KCNQ1: variants seen among roughly 807,000 people sequenced by gnomAD.
KCNQ1 encodes potassium voltage-gated channel subfamily KQT member 1.
Under a neutral mutation model 72.4 loss-of-function variants are expected in KCNQ1, and 49 were observed. The ratio of observed to expected loss-of-function variants is 0.68; its 90% CI spans 0.54 to 0.86. The LOEUF is 0.86. Among genes scored for constraint, KCNQ1 ranks in the 40% least tolerant of loss-of-function variants. The pLI is 0.00. For missense variants in KCNQ1, 790 were observed against 945.1 expected, an observed-to-expected ratio of 0.84 and a Z score of 2.15; for synonymous variants, 450 against 412.6, an observed-to-expected ratio of 1.09 and a Z score of -1.10.
In KCNQ1 at chr11:2,640,010, C is replaced by T. The variant is rs187540971; in HGVS notation, c.1394-21951C>T. 3.6e-3 allele frequency: 571 copies of T among 158,148 alleles called. 7 individuals carry two copies. Among genetic ancestry groups the T allele is most frequent in the African/African-American group, 0.013 (543 of 41,846 alleles). The allele number at this position is 158,148 out of a possible 1,614,324, so 9.8% of individuals were successfully genotyped here. Reference sequence around the variant, plus strand: ...TGGGCGTGGGACCCTCCGAGCCAGGCGCGGGATATAATCTCCTGGTGTGCC... The same window carrying T: ...TGGGCGTGGGACCCTCCGAGCCAGGTGCGGGATATAATCTCCTGGTGTGCC... On this transcript the variant is annotated intron_variant, in intron 10 of 15. Coordinates refer to ENST00000155840, the MANE Select transcript of KCNQ1 (RefSeq NM_000218.3).
rs536454891 is a variant in KCNQ1 at position 2,543,093 on chromosome 11, G to A, written c.477+15075G>A. ...CCAGTGATGTTGAATATCTTTTCACGTGTTTCATTGGCATCCAGGAAACAT... is the reference window on the plus strand; with the variant it reads ...CCAGTGATGTTGAATATCTTTTCACATGTTTCATTGGCATCCAGGAAACAT... On this transcript the variant is annotated intron_variant, in intron 2 of 15. Transcript: ENST00000155840. The surrounding 1 kb of genome is among the most constrained non-coding windows in gnomAD (Gnocchi z 5.6). 2.6e-5 allele frequency among the ~76,000 whole-genome samples: 4 copies of A among 152,032 alleles called. No individual in the cohort carries two copies. Among genetic ancestry groups the A allele is most frequent in the East Asian group, 1.9e-4 (1 of 5,202 alleles).
chr11:2,454,682 C>G (rs1846161190), intron 1 of KCNQ1, among the ~76,000 whole-genome samples: 1 of 152,130 alleles, frequency 6.6e-6, no homozygotes. Flanking sequence ...GTATGATCAT[C>G]TCAATAGATG....
intron 11 of KCNQ1, among the ~76,000 whole-genome samples, chr11:2,702,884 G>T (rs183082578): frequency 6.6e-6 from 1 of 152,134 alleles, no homozygotes; most frequent in Admixed American, 6.5e-5. Flanking sequence ...TCACCCCCTC[G>T]CCACACACGG....
Position 2,462,325 on chromosome 11 carries a change from C to T in KCNQ1, c.386+16841C>T, listed in dbSNP as rs944461351. On this transcript the variant is annotated intron_variant, in intron 1 of 15. Transcript: ENST00000155840. This position sits in a 1 kb window ranked among gnomAD's most constrained non-coding sequence, Gnocchi z 8.2. ...CGCCATCAGAGGCGATGTCTAGGGC[C>T]ACCCCCTCTGACTTGCCTCCTCCTC... Among the ~76,000 whole-genome samples the T allele has an allele frequency of 1.4e-4, 22 of 152,192 alleles. No individual in the cohort carries two copies. The highest frequency in any genetic ancestry group is 2.4e-4 in the Non-Finnish European group (16 of 68,024).
At chr11:2,525,026 T>C (rs564978965) in intron 1 of KCNQ1, among the ~76,000 whole-genome samples, 1 of 152,132 alleles carries the variant, frequency 6.6e-6, no homozygotes, top group Non-Finnish European at 1.5e-5. Flanking sequence ...GAGGATTAAG[T>C]GTGGCAGTCA....
intron 11 of KCNQ1, among the ~76,000 whole-genome samples, chr11:2,726,775 C>G (rs989236150): frequency 6.6e-6 from 1 of 152,216 alleles, no homozygotes; most frequent in Non-Finnish European, 1.5e-5. Context: ...ATGTGCTTCT[C>G]CTGTGACTGT....
Position 2,781,803 on chromosome 11 carries a change from G to C in KCNQ1, c.1794+3766G>C, listed in dbSNP as rs1846827217. Among the ~76,000 whole-genome samples the C allele has an allele frequency of 6.6e-6, 1 of 152,214 alleles. No individual in the cohort carries two copies. The highest frequency in any genetic ancestry group is 1.5e-5 in the Non-Finnish European group (1 of 68,044). On this transcript the variant is annotated intron_variant, in intron 15 of 15. Coordinates refer to ENST00000155840, the MANE Select transcript of KCNQ1 (RefSeq NM_000218.3). This position sits in a 1 kb window ranked among gnomAD's most constrained non-coding sequence, Gnocchi z 6.6. ...TTTTGCCGGAAATGTTCATGGCTGA[G>C]AGCCGGACACAGGGGAGTCCTGGGT... is the stretch of plus-strand genomic sequence containing the variant.
Position 2,559,136 on chromosome 11 carries a change from A to G in KCNQ1, c.478-11492A>G, listed in dbSNP as rs1848119497. On this transcript the variant is annotated intron_variant, in intron 2 of 15. Transcript: ENST00000155840. The surrounding 1 kb of genome is among the most constrained non-coding windows in gnomAD (Gnocchi z 4.9). The stretch of plus-strand genomic sequence containing the variant: ...CTTGGCCTGCAGGGAGGTTTTGCTC[A>G]AGGAGTGTCCCTTGAGCAAAATATT... 6.6e-6 allele frequency among the ~76,000 whole-genome samples: 1 copy of G among 151,992 alleles called. No homozygotes were observed. Among genetic ancestry groups the G allele is most frequent in the South Asian group, 2.1e-4 (1 of 4,816 alleles).
intron 15 of KCNQ1, among the ~76,000 whole-genome samples, chr11:2,844,065 C>G (rs1848267780): frequency 6.6e-6 from 1 of 152,262 alleles, no homozygotes; most frequent in East Asian, 1.9e-4. Context: ...TGGGTGGGGT[C>G]TGGCCTCGGC....
In KCNQ1 at chr11:2,592,754, TG is replaced by T. The variant is rs1848687048; in HGVS notation, c.1393+3903del. 6.6e-6 allele frequency among the ~76,000 whole-genome samples: 1 copy of T among 152,156 alleles called. No homozygotes were observed. Among genetic ancestry groups the T allele is most frequent in the Non-Finnish European group, 1.5e-5 (1 of 68,008 alleles). ...ACTCACAGCCCGGCTGCTGCTGCCT[TG>T]GGCGTCCTGAAGATCCTCTGTATGC... On this transcript the variant is annotated intron_variant, in intron 10 of 15. Coordinates refer to ENST00000155840, the MANE Select transcript of KCNQ1 (RefSeq NM_000218.3). This position sits in a 1 kb window ranked among gnomAD's most constrained non-coding sequence, Gnocchi z 5.2.
intron 2 of KCNQ1, among the ~76,000 whole-genome samples, chr11:2,568,272 CATAAATAAATAAATAA>C (rs71029149): frequency 3.3e-4 from 49 of 149,180 alleles, no homozygotes; most frequent in East Asian, 1.4e-3. Flanking sequence ...GACTCTGTCT[CATAAATAAATAAATAA>C]ATAAATAAAT....
rs1282914873 is a variant in KCNQ1, at chr11:2,603,282, A to G, written c.1393+14428A>G. On this transcript the variant is annotated intron_variant, in intron 10 of 15. Coordinates refer to ENST00000155840, the MANE Select transcript of KCNQ1 (RefSeq NM_000218.3). This position sits in a 1 kb window ranked among gnomAD's most constrained non-coding sequence, Gnocchi z 4.1. ...ACAATGTGCCTACCTTAATTGAAAG[A>G]CACTTTATTGCTAAAAAATGCTGAC... Among the ~76,000 whole-genome samples, 6 of 152,208 alleles carry G rather than the reference A, an allele frequency of 3.9e-5. No homozygotes were observed. The highest frequency in any genetic ancestry group is 3.9e-4 in the Admixed American group (6 of 15,290).
chr11:2,653,548 C>A lies in KCNQ1; in HGVS notation c.1394-8413C>A. ...TCTCACTCTCCCCTCTTGCACTCCCCTTCTCCCTTCCCGTTCCCTCTTTTG... is the reference window on the plus strand; with the variant it reads ...TCTCACTCTCCCCTCTTGCACTCCCATTCTCCCTTCCCGTTCCCTCTTTTG... On this transcript the variant is annotated intron_variant, in intron 10 of 15. Coordinates refer to ENST00000155840, the MANE Select transcript of KCNQ1 (RefSeq NM_000218.3). The surrounding 1 kb of genome is among the most constrained non-coding windows in gnomAD (Gnocchi z 5.3). The A allele has an allele frequency of 2.5e-6, 1 of 398,942 alleles. No homozygotes were observed. Among genetic ancestry groups the A allele is most frequent in the Non-Finnish European group, 4.4e-6 (1 of 226,248 alleles). 24.7% of individuals were successfully genotyped at this position (398,942 alleles called of 1,614,324 possible).
intron 15 of KCNQ1, among the ~76,000 whole-genome samples, chr11:2,821,996 G>T (rs780659192): frequency 2.0e-5 from 3 of 152,164 alleles, no homozygotes; most frequent in African/African-American, 7.2e-5. Context: ...CAGGGGCCCC[G>T]AATGTGATCA....
At chr11:2,505,402 C>A (rs1847086627) in intron 1 of KCNQ1, among the ~76,000 whole-genome samples, 1 of 152,158 alleles carries the variant, frequency 6.6e-6, no homozygotes, top group South Asian at 2.1e-4. Flanking sequence ...CCTGATCTCT[C>A]CTGGGAACAT....
In KCNQ1 at chr11:2,562,378, C is replaced by T. The variant is rs1848184465; in HGVS notation, c.478-8250C>T. On this transcript the variant is annotated intron_variant, in intron 2 of 15. Transcript: ENST00000155840. This position sits in a 1 kb window ranked among gnomAD's most constrained non-coding sequence, Gnocchi z 7.5. Reference sequence around the variant, plus strand: ...GAGCTGCCTGAGTGCCTGCATTGCCCTCCGGCCAGCTGACCCTCCCCGGAG... The same window carrying T: ...GAGCTGCCTGAGTGCCTGCATTGCCTTCCGGCCAGCTGACCCTCCCCGGAG... 6.6e-6 allele frequency among the ~76,000 whole-genome samples: 1 copy of T among 152,182 alleles called. No homozygotes were observed. The highest frequency in any genetic ancestry group is 2.4e-5 in the African/African-American group (1 of 41,446).
At chr11:2,699,350 C>T (rs1284796943) in intron 11 of KCNQ1, 4 of 398,922 alleles carry the variant, frequency 1.0e-5, no homozygotes, top group East Asian at 3.6e-5. Flanking sequence ...AGTGATCACC[C>T]GTCCCGCGCC....
intron 11 of KCNQ1, chr11:2,667,997 G>A: frequency 2.5e-6 from 1 of 398,676 alleles, no homozygotes; most frequent in East Asian, 3.6e-5. Context: ...CTGACCTTGA[G>A]ATTAACCACA....
At chr11:2,631,346 C>G (rs1444106698) in intron 10 of KCNQ1, 1 of 398,336 alleles carries the variant, frequency 2.5e-6, no homozygotes, top group Non-Finnish European at 4.4e-6. Flanking sequence ...ATTCCTCCTT[C>G]TATTTGATCA....
Sources: gnomAD v4.1 joint callset for allele counts (sites outside exome capture counted in the v4.1 genomes callset) on GRCh38, gnomAD v4.1.1 for gene constraint, Gnocchi (gnomAD v3.1) non-coding constraint, MANE v1.5 for transcripts, NCBI Gene and HGNC (gene_info 2026-07-23, HGNC 2026-07-21) for gene names.